ADAM22: variants seen among roughly 807,000 people sequenced by gnomAD.
The protein encoded by ADAM22 is disintegrin and metalloproteinase domain-containing protein 22.
Under a neutral mutation model 144.6 loss-of-function variants are expected in ADAM22, and 65 were observed. The ratio of observed to expected loss-of-function variants is 0.45; its 90% CI spans 0.37 to 0.55. The LOEUF (loss-of-function observed/expected upper bound fraction) is 0.55, where lower values mean the gene tolerates loss of function less well. Ranked by LOEUF, ADAM22 falls within the 20% of genes least tolerant of loss-of-function variation. The pLI is 0.00. For missense variants in ADAM22, 974 were observed against 1,184.9 expected (o/e 0.82, Z 2.61); for synonymous variants, 391 against 412.6 (o/e 0.95, Z 0.63).
chr7:87,966,735 T>TTTTG (rs1562874364), intron 2 of ADAM22, among the ~76,000 whole-genome samples: 4 of 135,796 alleles, frequency 2.9e-5, no homozygotes, highest in African/African-American at 8.7e-5. Context: ...TTTTTTTTTT[T>TTTTG]TTTTTTTTTT....
At chr7:88,156,821 A>T (rs1840097704) in intron 22 of ADAM22, among the ~76,000 whole-genome samples, 1 of 152,042 alleles carries the variant, frequency 6.6e-6, no homozygotes, top group African/African-American at 2.4e-5. Flanking sequence ...AAGTAGTCCA[A>T]CCTCAGTGGT....
At chr7:87,997,691 C>T (rs1017962235) in intron 3 of ADAM22, among the ~76,000 whole-genome samples, 1 of 152,254 alleles carries the variant, frequency 6.6e-6, no homozygotes, top group Non-Finnish European at 1.5e-5. Context: ...CAGTCAGGTC[C>T]TTCACAGGCT....
intron 8 of ADAM22, among the ~76,000 whole-genome samples, chr7:88,126,851 C>T (rs1757386475): frequency 6.6e-6 from 1 of 151,776 alleles, no homozygotes; most frequent in Non-Finnish European, 1.5e-5. Flanking sequence ...CCTATAATAT[C>T]CTCATTTTAC....
chr7:88,117,626 T>C (rs1192166049), intron 7 of ADAM22, among the ~76,000 whole-genome samples: 6 of 152,204 alleles, frequency 3.9e-5, no homozygotes, highest in Admixed American at 2.0e-4. Flanking sequence ...TGAATATCTT[T>C]ATTCAGAAGA....
intron 3 of ADAM22, among the ~76,000 whole-genome samples, chr7:88,058,494 A>C (rs77955070): frequency 0.024 from 3,651 of 151,826 alleles, 152 homozygotes; most frequent in African/African-American, 0.083. Context: ...TTAAGGAAAC[A>C]AACAGAATTA....
intron 2 of ADAM22, among the ~76,000 whole-genome samples, chr7:87,950,530 G>A (rs1206752006): frequency 6.7e-6 from 1 of 149,148 alleles, no homozygotes; most frequent in African/African-American, 2.5e-5. Flanking sequence ...TCTTAATCCA[G>A]TCTATCATTG....
chr7:88,025,064 C>A (rs1040810099), intron 3 of ADAM22, among the ~76,000 whole-genome samples: 6 of 152,064 alleles, frequency 3.9e-5, no homozygotes, highest in Admixed American at 3.9e-4. Flanking sequence ...TGGGTATATA[C>A]CCAGTAATGG....
intron 14 of ADAM22, among the ~76,000 whole-genome samples, chr7:88,142,578 C>G (rs1172420396): frequency 6.6e-6 from 1 of 152,146 alleles, no homozygotes; most frequent in Non-Finnish European, 1.5e-5. Flanking sequence ...GTGGCTCACA[C>G]CTGTAATCCC....
At chr7:87,956,227 G>A (rs749773945) in intron 2 of ADAM22, among the ~76,000 whole-genome samples, 1 of 152,096 alleles carries the variant, frequency 6.6e-6, no homozygotes, top group African/African-American at 2.4e-5. Flanking sequence ...CATCACTCAC[G>A]CTGGGAGCTG....
chr7:88,048,374 A>G (rs184452197), intron 3 of ADAM22, among the ~76,000 whole-genome samples: 8 of 152,212 alleles, frequency 5.3e-5, no homozygotes, highest in Non-Finnish European at 8.8e-5. Context: ...TTTTCTTAGG[A>G]GAGGCATTTT....
chr7:87,938,372 C>A (rs1841775180), intron 2 of ADAM22, among the ~76,000 whole-genome samples: 1 of 151,862 alleles, frequency 6.6e-6, no homozygotes, highest in Admixed American at 6.6e-5. Flanking sequence ...GCACCCACCA[C>A]CATGCCCAGC....
intron 13 of ADAM22, among the ~76,000 whole-genome samples, chr7:88,135,529 C>T (rs1479470276): frequency 6.6e-6 from 1 of 152,054 alleles, no homozygotes; most frequent in East Asian, 1.9e-4. Context: ...GATTCTGAAA[C>T]CCTTCTGCCT....
At chr7:88,098,281 G>T (rs911744138) in intron 4 of ADAM22, among the ~76,000 whole-genome samples, 2 of 152,112 alleles carry the variant, frequency 1.3e-5, no homozygotes, top group South Asian at 2.1e-4. Context: ...TAAGATACAG[G>T]TTAATTTTAT....
At chr7:88,169,293 T>C (rs1015829819) in intron 25 of ADAM22, among the ~76,000 whole-genome samples, 1 of 152,110 alleles carries the variant, frequency 6.6e-6, no homozygotes, top group African/African-American at 2.4e-5. Context: ...GAGAGCATAT[T>C]ACAGTTTGGC....
In ADAM22 at chr7:87,934,531, G is replaced by A; in HGVS notation, c.66G>A (p.Pro22=). ...LLLCVLGTCP[P]ARCGQAGDAS... The stretch of plus-strand genomic sequence containing the variant: ...TCTGTGTCCTGGGGACCTGCCCTCC[G>A]GCGCGCTGCGGCCAGGCAGGTAAGT... The change falls in exon 1 of 32, where the codon CCG becomes CCA. Residue 22 remains proline, a synonymous_variant. Coordinates refer to ENST00000413139, the MANE Select transcript of ADAM22 (RefSeq NM_001324418.2). 1 of 1,608,432 alleles carries A rather than the reference G, an allele frequency of 6.2e-7. No homozygotes were observed. Among genetic ancestry groups the A allele is most frequent in the South Asian group, 1.1e-5 (1 of 90,658 alleles).
intron 27 of ADAM22, among the ~76,000 whole-genome samples, chr7:88,179,648 G>C (rs1214340166): frequency 1.3e-5 from 2 of 151,938 alleles, no homozygotes; most frequent in African/African-American, 4.8e-5. Context: ...TTTTATAATA[G>C]TACAGGTGGG....
At chr7:88,033,118 G>A (rs755926502) in intron 3 of ADAM22, among the ~76,000 whole-genome samples, 1 of 152,244 alleles carries the variant, frequency 6.6e-6, no homozygotes, top group Non-Finnish European at 1.5e-5. Context: ...GTTTCTGGGT[G>A]TGGAAGAGTT....
At position 88,199,807 on chromosome 7, in the gene ADAM22, GTT is replaced by G. The variant is rs1263157082; in HGVS notation, c.*3318_*3319del. On this transcript the variant is annotated 3_prime_UTR_variant, in exon 32 of 32. Transcript: ENST00000413139. ...TGGTGCTTTATTAAGTGATACCATAGTTTCTCTCTCTTTTCCCTGTTACTTTA... is the reference window on the plus strand; with the variant it reads ...TGGTGCTTTATTAAGTGATACCATAGTCTCTCTCTTTTCCCTGTTACTTTA... 1 of 152,164 alleles carries G rather than the reference GTT, an allele frequency of 6.6e-6. No homozygotes were observed. Among genetic ancestry groups the G allele is most frequent in the African/African-American group, 2.4e-5 (1 of 41,436 alleles). The allele number at this position is 152,164 out of a possible 1,614,324, so 9.4% of individuals were successfully genotyped here. A position where few individuals can be genotyped will look rare whatever the true frequency, so the allele number is the denominator to read the frequency against.
chr7:88,090,983 A>G (rs912144136), intron 4 of ADAM22, among the ~76,000 whole-genome samples: 6 of 152,308 alleles, frequency 3.9e-5, no homozygotes, highest in African/African-American at 1.2e-4. Flanking sequence ...ATATTCTCAC[A>G]GAAGTATTTT....
Sources: allele counts gnomAD v4.1 joint callset (sites outside exome capture counted in the v4.1 genomes callset), GRCh38; gene constraint gnomAD v4.1.1; transcripts MANE v1.5; gene names NCBI Gene and HGNC (gene_info 2026-07-23, HGNC 2026-07-21).